The following UNCX variants were observed in gnomAD, a reference collection of about 807,000 sequenced individuals.
UNCX encodes homeobox protein unc-4 homolog.
UNCX carries 4 observed loss-of-function variants against 14.8 expected under a neutral mutation model. The ratio of observed to expected loss-of-function variants is 0.27; its 90% CI spans 0.13 to 0.62. The LOEUF is 0.62. Among genes scored for constraint, UNCX ranks in the 20% least tolerant of loss-of-function variants. UNCX has a pLI of 0.86. For synonymous variants in UNCX, 459 were observed against 395.8 expected (o/e 1.16, Z -1.90); for missense variants, 749 against 786.8 (o/e 0.95, Z 0.58).
Position 1,236,215 on chromosome 7 carries a change from C to A in UNCX, c.834C>A (p.Pro278=). 1.5e-6 allele frequency: 2 copies of A among 1,344,300 alleles called. No homozygotes were observed. Among genetic ancestry groups the A allele is most frequent in the Non-Finnish European group, 1.9e-6 (2 of 1,037,336 alleles). The allele number at this position is 1,344,300 out of a possible 1,614,324, so 83.3% of individuals were successfully genotyped here. The part of the protein sequence containing the change: ...APAPPGEPPA[P]GTCDPAFYPS... Reference sequence around the variant, plus strand: ...CCCCTCCCGGCGAGCCGCCTGCACCCGGCACCTGCGACCCCGCCTTCTACC... The same window carrying A: ...CCCCTCCCGGCGAGCCGCCTGCACCAGGCACCTGCGACCCCGCCTTCTACC... The change falls in exon 3 of 3, where the codon CCC becomes CCA. Residue 278 remains proline (P), a synonymous_variant. Transcript: ENST00000316333. This position sits in a 1 kb window ranked among gnomAD's most constrained non-coding sequence, Gnocchi z 6.9.
At position 1,232,982 on chromosome 7, in the gene UNCX, CGCCCCGCCACCG is replaced by C. The variant is rs1197910862; in HGVS notation, c.-27_-16del. The C allele has an allele frequency of 1.8e-6, 2 of 1,100,182 alleles. No individual in the cohort carries two copies. The highest frequency in any genetic ancestry group is 4.2e-5 in the South Asian group (1 of 23,770). The allele number at this position is 1,100,182 out of a possible 1,614,324, so 68.2% of individuals were successfully genotyped here. ...GCCCCGGCCCCGGCCCGCGCCCCCG[CGCCCCGCCACCG>C]GCCCCGCCGGCCCCCCGCGCGAGAT... is the stretch of plus-strand genomic sequence containing the variant. On this transcript the variant is annotated 5_prime_UTR_variant, in exon 1 of 3. Coordinates refer to ENST00000316333, the MANE Select transcript of UNCX (RefSeq NM_001080461.3).
chr7:1,236,491 G>C lies in UNCX; in HGVS notation c.1110G>C (p.Arg370=). The C allele has an allele frequency of 7.1e-7, 1 of 1,401,226 alleles. No homozygotes were observed. The highest frequency in any genetic ancestry group is 9.3e-7 in the Non-Finnish European group (1 of 1,073,868). The allele number at this position is 1,401,226 out of a possible 1,614,324, so 86.8% of individuals were successfully genotyped here. A position where few individuals can be genotyped will look rare whatever the true frequency, so the allele number is the denominator to read the frequency against. The change falls in exon 3 of 3, where the codon CGG becomes CGC. Residue 370 remains arginine, a synonymous_variant. Coordinates refer to ENST00000316333, the MANE Select transcript of UNCX (RefSeq NM_001080461.3). The surrounding 1 kb of genome is among the most constrained non-coding windows in gnomAD (Gnocchi z 6.9). The part of the protein sequence containing the change: ...DFAPGLPCAP[R]TLIGKGHFLL... Reference sequence around the variant, plus strand: ...CGCCCGGGCTGCCGTGCGCGCCGCGGACCCTGATCGGCAAGGGCCACTTCC... The same window carrying C: ...CGCCCGGGCTGCCGTGCGCGCCGCGCACCCTGATCGGCAAGGGCCACTTCC...
Position 1,233,994 on chromosome 7 carries a change from G to C in UNCX, c.450+299G>C, listed in dbSNP as rs1778693240. On this transcript the variant is annotated intron_variant, in intron 2 of 2. Coordinates refer to ENST00000316333, the MANE Select transcript of UNCX (RefSeq NM_001080461.3). The surrounding 1 kb of genome is among the most constrained non-coding windows in gnomAD (Gnocchi z 5.3). ...GCGGCGTGGTGGGTTGGCGGAGGCC[G>C]GGCCAAGTGAGGTCTCCAGGCAGGG... Among the ~76,000 whole-genome samples the C allele has an allele frequency of 6.6e-6, 1 of 152,234 alleles. No individual in the cohort carries two copies. Among genetic ancestry groups the C allele is most frequent in the Non-Finnish European group, 1.5e-5 (1 of 68,044 alleles).
Position 1,233,224 on chromosome 7 carries a change from C to A in UNCX, c.207C>A (p.Val69=). The change falls in exon 1 of 3, where the codon GTC becomes GTA. Residue 69 remains valine, a synonymous_variant. Coordinates refer to ENST00000316333, the MANE Select transcript of UNCX (RefSeq NM_001080461.3). This position sits in a 1 kb window ranked among gnomAD's most constrained non-coding sequence, Gnocchi z 5.3. ...CGTGCGCCGCCGCCGCCTCGGTGGT[C>A]AACCCCACGCCGCTGCTGCCAGCCG... is the stretch of plus-strand genomic sequence containing the variant. ...GGSCAAAASV[V]NPTPLLPAAC... is the part of the protein sequence containing the mutation. 7.0e-7 allele frequency: 1 copy of A among 1,424,010 alleles called. No individual in the cohort carries two copies. Among genetic ancestry groups the A allele is most frequent in the South Asian group, 1.4e-5 (1 of 71,156 alleles). The allele number at this position is 1,424,010 out of a possible 1,614,324, so 88.2% of individuals were successfully genotyped here. A position where few individuals can be genotyped will look rare whatever the true frequency, so the allele number is the denominator to read the frequency against.
chr7:1,234,082 C>CA (rs1778695683), intron 2 of UNCX, among the ~76,000 whole-genome samples: 1 of 151,822 alleles, frequency 6.6e-6, no homozygotes, highest in Non-Finnish European at 1.5e-5. Flanking sequence ...GGGGACCCCC[C>CA]CCCGCCCCCG....
rs1007482780 is a variant in UNCX at position 1,236,719 on chromosome 7, C to T, written c.1338C>T (p.Ala446=). ...DSAFARRSPD[A]VASPGAPAPA... ...CCTTCGCGCGTCGCAGCCCCGACGC[C>T]GTCGCCTCCCCGGGGGCCCCAGCCC... The change falls in exon 3 of 3, where the codon GCC becomes GCT. Residue 446 remains alanine, a synonymous_variant. Coordinates refer to ENST00000316333, the MANE Select transcript of UNCX (RefSeq NM_001080461.3). This position sits in a 1 kb window ranked among gnomAD's most constrained non-coding sequence, Gnocchi z 6.9. 352 of 994,790 alleles carry T rather than the reference C, an allele frequency of 3.5e-4. No individual in the cohort carries two copies. Among genetic ancestry groups the T allele is most frequent in the Non-Finnish European group, 3.9e-4 (329 of 837,848 alleles). The allele number at this position is 994,790 out of a possible 1,614,324, so 61.6% of individuals were successfully genotyped here. A position where few individuals can be genotyped will look rare whatever the true frequency, so the allele number is the denominator to read the frequency against.
chr7:1,236,629 G>A lies in UNCX; in HGVS notation c.1248G>A (p.Pro416=), dbSNP rs1178943597. 5.7e-6 allele frequency: 6 copies of A among 1,057,014 alleles called. No individual in the cohort carries two copies. Among genetic ancestry groups the A allele is most frequent in the South Asian group, 4.3e-5 (1 of 23,070 alleles). 65.5% of individuals were successfully genotyped at this position (1,057,014 alleles called of 1,614,324 possible). Residue 416 remains proline, a synonymous_variant, in exon 3 of 3, where the codon CCG becomes CCA. Transcript: ENST00000316333. This position sits in a 1 kb window ranked among gnomAD's most constrained non-coding sequence, Gnocchi z 6.9. ...PKDAPPAPAV[P]PAPPAQASFG... is the part of the protein sequence containing the mutation. ...ACGCGCCGCCCGCGCCCGCCGTGCCGCCCGCGCCGCCTGCCCAGGCCAGTT... is the reference window on the plus strand; with the variant it reads ...ACGCGCCGCCCGCGCCCGCCGTGCCACCCGCGCCGCCTGCCCAGGCCAGTT...
chr7:1,233,463 TG>T lies in UNCX; in HGVS notation c.275-52del. On this transcript the variant is annotated intron_variant, in intron 1 of 2. Transcript: ENST00000316333. This position sits in a 1 kb window ranked among gnomAD's most constrained non-coding sequence, Gnocchi z 5.3. ...GCCAGCGGGTAGCGGGAGGGAGGGG[TG>T]GGGGTCGGGCCTGGGCCGGTGGCTG... is the stretch of plus-strand genomic sequence containing the variant. 2 of 1,001,656 alleles carry T rather than the reference TG, an allele frequency of 2.0e-6. No homozygotes were observed. Among genetic ancestry groups the T allele is most frequent in the South Asian group, 5.2e-5 (2 of 38,674 alleles). The allele number at this position is 1,001,656 out of a possible 1,614,324, so 62.0% of individuals were successfully genotyped here. A position where few individuals can be genotyped will look rare whatever the true frequency, so the allele number is the denominator to read the frequency against.
rs866083539 is a variant in UNCX at position 1,233,415 on chromosome 7, G to C, written c.275-105G>C. On this transcript the variant is annotated intron_variant, in intron 1 of 2. Transcript: ENST00000316333. The surrounding 1 kb of genome is among the most constrained non-coding windows in gnomAD (Gnocchi z 5.3). The stretch of plus-strand genomic sequence containing the variant: ...CCGGCTCCTAGGCGGCCGTCTCTGC[G>C]CCCCCCCCCCCGGATCCAGGCGGCC... 0.018 allele frequency: 20,570 copies of C among 1,134,352 alleles called. 189 individuals are homozygous for C. The highest frequency in any genetic ancestry group is 0.021 in the Non-Finnish European group (19,228 of 896,704). 70.3% of individuals were successfully genotyped at this position (1,134,352 alleles called of 1,614,324 possible).
At position 1,233,801 on chromosome 7, in the gene UNCX, C is replaced by A. The variant is rs551339262; in HGVS notation, c.450+106C>A. 5.8e-5 allele frequency: 81 copies of A among 1,389,158 alleles called. No individual in the cohort carries two copies. In the Admixed American group the frequency reaches 1.7e-3, roughly 30 times the overall value. 86.1% of individuals were successfully genotyped at this position (1,389,158 alleles called of 1,614,324 possible). On this transcript the variant is annotated intron_variant, in intron 2 of 2. Transcript: ENST00000316333. This position sits in a 1 kb window ranked among gnomAD's most constrained non-coding sequence, Gnocchi z 5.3. ...CGAGATATCGTCCCCTTGCCGCGGG[C>A]CCGCTTCGCGCTCGCCTGCTGGGGA...
chr7:1,236,142 C>T lies in UNCX; in HGVS notation c.761C>T (p.Ala254Val). The T allele has an allele frequency of 7.9e-7, 1 of 1,260,018 alleles. No individual in the cohort carries two copies. The highest frequency in any genetic ancestry group is 1.0e-6 in the Non-Finnish European group (1 of 1,001,780). The allele number at this position is 1,260,018 out of a possible 1,614,324, so 78.1% of individuals were successfully genotyped here. A position where few individuals can be genotyped will look rare whatever the true frequency, so the allele number is the denominator to read the frequency against. ...PEPPEPPPPAAKGPGAHASGA... is the reference protein window; with the variant it reads ...PEPPEPPPPAVKGPGAHASGA... ...CCGCCCGAGCCGCCGCCGCCCGCCG[C>T]CAAGGGCCCCGGAGCGCACGCCTCG... The change falls in exon 3 of 3, where the codon GCC becomes GTC. Residue 254 changes from alanine to valine, a missense_variant. Transcript: ENST00000316333. This position sits in a 1 kb window ranked among gnomAD's most constrained non-coding sequence, Gnocchi z 6.9.
rs747427469 is a variant in UNCX at position 1,233,481 on chromosome 7, C to A, written c.275-39C>A. 3 of 1,562,268 alleles carry A rather than the reference C, an allele frequency of 1.9e-6. No individual in the cohort carries two copies. The highest frequency in any genetic ancestry group is 3.7e-5 in the Admixed American group (2 of 54,234). ...GGAGGGGTGGGGGTCGGGCCTGGGC[C>A]GGTGGCTGAGCCGCGCTGCGTCCTG... On this transcript the variant is annotated intron_variant, in intron 1 of 2. Transcript: ENST00000316333. The surrounding 1 kb of genome is among the most constrained non-coding windows in gnomAD (Gnocchi z 5.3).
At position 1,236,254 on chromosome 7, in the gene UNCX, C is replaced by T. The variant is rs1462518045; in HGVS notation, c.873C>T (p.Ser291=). The change falls in exon 3 of 3, where the codon AGC becomes AGT. Residue 291 remains serine (S), a synonymous_variant. Coordinates refer to ENST00000316333, the MANE Select transcript of UNCX (RefSeq NM_001080461.3). This position sits in a 1 kb window ranked among gnomAD's most constrained non-coding sequence, Gnocchi z 6.9. ...CCGCCTTCTACCCGAGCCAAAGAAG[C>T]GGCGCCGGCCCACAGCCGCGCCCAG... ...CDPAFYPSQR[S]GAGPQPRPGR... is the part of the protein sequence containing the mutation. 3 of 1,375,552 alleles carry T rather than the reference C, an allele frequency of 2.2e-6. No individual in the cohort carries two copies. The highest frequency in any genetic ancestry group is 2.8e-6 in the Non-Finnish European group (3 of 1,056,720). 85.2% of individuals were successfully genotyped at this position (1,375,552 alleles called of 1,614,324 possible).
rs1007084883 is a variant in UNCX at position 1,233,095 on chromosome 7, C to T, written c.78C>T (p.Tyr26=). ...GSLGGVVGFP[Y]PLGHHHVYEL... ...TGGGCGGCGTGGTGGGCTTCCCCTACCCGCTGGGCCACCACCACGTGTACG... is the reference window on the plus strand; with the variant it reads ...TGGGCGGCGTGGTGGGCTTCCCCTATCCGCTGGGCCACCACCACGTGTACG... Residue 26 remains tyrosine (Y), a synonymous_variant, in exon 1 of 3, where the codon TAC becomes TAT. Transcript: ENST00000316333. The surrounding 1 kb of genome is among the most constrained non-coding windows in gnomAD (Gnocchi z 5.3). The T allele has an allele frequency of 6.2e-6, 9 of 1,456,512 alleles. No individual in the cohort carries two copies. The highest frequency in any genetic ancestry group is 2.9e-5 in the African/African-American group (2 of 67,824). 90.2% of individuals were successfully genotyped at this position (1,456,512 alleles called of 1,614,324 possible).
chr7:1,236,430 A>ACGCCGCCGC lies in UNCX; in HGVS notation c.1062_1070dup (p.Ala355_Ala357dup), dbSNP rs768648477. On this transcript the variant is annotated inframe_insertion, in exon 3 of 3. Transcript: ENST00000316333. This position sits in a 1 kb window ranked among gnomAD's most constrained non-coding sequence, Gnocchi z 6.9. ...CCGCCGCGCCGGAAAGCCGCTTCCA[A>ACGCCGCCGC]CGCCGCCGCCGCCGCCGCCGCGGGG... The ACGCCGCCGC allele has an allele frequency of 1.5e-5, 20 of 1,357,110 alleles. No homozygotes were observed. Among genetic ancestry groups the ACGCCGCCGC allele is most frequent in the Non-Finnish European group, 1.8e-5 (19 of 1,054,372 alleles). The allele number at this position is 1,357,110 out of a possible 1,614,324, so 84.1% of individuals were successfully genotyped here. A position where few individuals can be genotyped will look rare whatever the true frequency, so the allele number is the denominator to read the frequency against.
Position 1,236,412 on chromosome 7 carries a change from G to C in UNCX, c.1031G>C (p.Arg344Pro). 2 of 1,367,852 alleles carry C rather than the reference G, an allele frequency of 1.5e-6. No homozygotes were observed. The highest frequency in any genetic ancestry group is 1.9e-6 in the Non-Finnish European group (2 of 1,058,218). 84.7% of individuals were successfully genotyped at this position (1,367,852 alleles called of 1,614,324 possible). ...VESLLSDSPP[R>P]RKAASNAAAA... ...AGCCTCCTGTCCGACTCGCCGCCGC[G>C]CCGGAAAGCCGCTTCCAACGCCGCC... is the stretch of plus-strand genomic sequence containing the variant. The change falls in exon 3 of 3, where the codon CGC (arginine) becomes CCC (proline). Residue 344 changes from arginine (R) to proline (P), a missense_variant. Coordinates refer to ENST00000316333, the MANE Select transcript of UNCX (RefSeq NM_001080461.3). The surrounding 1 kb of genome is among the most constrained non-coding windows in gnomAD (Gnocchi z 6.9).
chr7:1,233,450 C>T lies in UNCX; in HGVS notation c.275-70C>T, dbSNP rs1584081150. ...CCGGATCCAGGCGGCCAGCGGGTAG[C>T]GGGAGGGAGGGGTGGGGGTCGGGCC... On this transcript the variant is annotated intron_variant, in intron 1 of 2. Coordinates refer to ENST00000316333, the MANE Select transcript of UNCX (RefSeq NM_001080461.3). This position sits in a 1 kb window ranked among gnomAD's most constrained non-coding sequence, Gnocchi z 5.3. 6.1e-6 allele frequency: 7 copies of T among 1,142,930 alleles called. No homozygotes were observed. The highest frequency in any genetic ancestry group is 4.0e-5 in the Admixed American group (1 of 25,056). 70.8% of individuals were successfully genotyped at this position (1,142,930 alleles called of 1,614,324 possible).
At position 1,236,090 on chromosome 7, in the gene UNCX, AGCG is replaced by A. The variant is rs749158549; in HGVS notation, c.721_723del (p.Gly241del). The A allele has an allele frequency of 4.0e-5, 62 of 1,533,282 alleles. No individual in the cohort carries two copies. The highest frequency in any genetic ancestry group is 1.3e-4 in the South Asian group (11 of 82,228). The allele number at this position is 1,533,282 out of a possible 1,614,324, so 95.0% of individuals were successfully genotyped here. A position where few individuals can be genotyped will look rare whatever the true frequency, so the allele number is the denominator to read the frequency against. ...CAGCGCGCCCAGCTCCGACAGCGAC[AGCG>A]GCGGCGGCGGCCTGTCTCCGGAGCC... is the stretch of plus-strand genomic sequence containing the variant. On this transcript the variant is annotated inframe_deletion, in exon 3 of 3. Coordinates refer to ENST00000316333, the MANE Select transcript of UNCX (RefSeq NM_001080461.3). This position sits in a 1 kb window ranked among gnomAD's most constrained non-coding sequence, Gnocchi z 6.9.
In UNCX at chr7:1,237,125, T is replaced by A; in HGVS notation, c.*148T>A. 1 of 742,420 alleles carries A rather than the reference T, an allele frequency of 1.3e-6. No homozygotes were observed. Among genetic ancestry groups the A allele is most frequent in the Non-Finnish European group, 1.7e-6 (1 of 593,210 alleles). The allele number at this position is 742,420 out of a possible 1,614,324, so 46.0% of individuals were successfully genotyped here. Reference sequence around the variant, plus strand: ...TTTCTTTTATTATTTTTTTTAAGAGTAAACGAAAGTGCTGTATGAATTCGG... The same window carrying A: ...TTTCTTTTATTATTTTTTTTAAGAGAAAACGAAAGTGCTGTATGAATTCGG... On this transcript the variant is annotated 3_prime_UTR_variant, in exon 3 of 3. Transcript: ENST00000316333. This position sits in a 1 kb window ranked among gnomAD's most constrained non-coding sequence, Gnocchi z 5.8.
Sources: allele counts gnomAD v4.1 joint callset (sites outside exome capture counted in the v4.1 genomes callset), GRCh38; gene constraint gnomAD v4.1.1; non-coding constraint Gnocchi (gnomAD v3.1); transcripts MANE v1.5; gene names NCBI Gene and HGNC (gene_info 2026-07-23, HGNC 2026-07-21).